SEMA5A: variants seen among roughly 807,000 people sequenced by gnomAD.
The protein encoded by SEMA5A is semaphorin-5A.
SEMA5A carries 55 observed loss-of-function variants against 135.5 expected under a neutral mutation model. That is an observed-to-expected ratio of 0.41 (90% CI 0.33 to 0.51). The LOEUF is 0.51. Ranked by LOEUF, SEMA5A falls within the 20% of genes least tolerant of loss-of-function variation. The pLI is 0.37. For missense variants in SEMA5A, 1,290 were observed against 1,419.9 expected, an observed-to-expected ratio of 0.91 and a Z score of 1.47; for synonymous variants, 580 against 546.5, an observed-to-expected ratio of 1.06 and a Z score of -0.85.
chr5:9,483,316 A>C (rs1283313561), intron 1 of SEMA5A, among the ~76,000 whole-genome samples: 1 of 151,806 alleles, frequency 6.6e-6, no homozygotes, highest in Non-Finnish European at 1.5e-5. Flanking sequence ...TCTTCTCTCA[A>C]CTTCTCAGTA....
intron 16 of SEMA5A, among the ~76,000 whole-genome samples, chr5:9,072,966 C>T (rs1481303114): frequency 2.0e-5 from 3 of 152,144 alleles, no homozygotes; most frequent in Non-Finnish European, 4.4e-5. Flanking sequence ...GTAATTATAA[C>T]TGCATCCCAT....
At chr5:9,087,033 T>C (rs1738735610) in intron 16 of SEMA5A, among the ~76,000 whole-genome samples, 1 of 152,160 alleles carries the variant, frequency 6.6e-6, no homozygotes, top group South Asian at 2.1e-4. Context: ...TCTACTTCCA[T>C]CTGTGTGACA....
At chr5:9,130,948 C>G (rs534513498) in intron 13 of SEMA5A, among the ~76,000 whole-genome samples, 1 of 152,172 alleles carries the variant, frequency 6.6e-6, no homozygotes, top group Non-Finnish European at 1.5e-5. Context: ...GTACTGCCAT[C>G]TAAAAGAGGG....
chr5:9,536,063 G>A (rs1737747832), intron 1 of SEMA5A, among the ~76,000 whole-genome samples: 1 of 152,192 alleles, frequency 6.6e-6, no homozygotes, highest in Admixed American at 6.5e-5. Context: ...CCACAGCAAA[G>A]TGGCCAGATG....
At chr5:9,349,340 T>C (rs1754011620) in intron 3 of SEMA5A, among the ~76,000 whole-genome samples, 2 of 152,214 alleles carry the variant, frequency 1.3e-5, no homozygotes, top group African/African-American at 4.8e-5. Flanking sequence ...TATTTATTTA[T>C]TGAGTACCTG....
At chr5:9,271,496 T>C (rs915654644) in intron 5 of SEMA5A, among the ~76,000 whole-genome samples, 6 of 152,010 alleles carry the variant, frequency 3.9e-5, no homozygotes, top group Admixed American at 1.3e-4. Flanking sequence ...CAGAAGAAGA[T>C]AGGAAAATGT....
intron 3 of SEMA5A, among the ~76,000 whole-genome samples, chr5:9,343,427 A>T (rs904102065): frequency 6.6e-6 from 1 of 151,832 alleles, no homozygotes; most frequent in Non-Finnish European, 1.5e-5. Context: ...CTGTGTCTTC[A>T]CCTCCTCAAG....
intron 21 of SEMA5A, chr5:9,046,027 T>A (rs1438077936): frequency 6.6e-6 from 1 of 152,268 alleles, no homozygotes; most frequent in African/African-American, 2.4e-5. Flanking sequence ...TCACTGGGCT[T>A]CAGGAGAATT....
At chr5:9,462,456 A>G (rs1258896896) in intron 1 of SEMA5A, among the ~76,000 whole-genome samples, 1 of 152,204 alleles carries the variant, frequency 6.6e-6, no homozygotes. Flanking sequence ...CATTCAACTC[A>G]GCAATCCCAT....
intron 1 of SEMA5A, among the ~76,000 whole-genome samples, chr5:9,454,824 AGG>A (rs1410291917): frequency 3.3e-5 from 5 of 152,238 alleles, no homozygotes; most frequent in African/African-American, 1.2e-4. Context: ...TATGACGAAA[AGG>A]AAATTTGAGT....
At chr5:9,501,627 C>T (rs1332356559) in intron 1 of SEMA5A, among the ~76,000 whole-genome samples, 1 of 152,192 alleles carries the variant, frequency 6.6e-6, no homozygotes, top group African/African-American at 2.4e-5. Flanking sequence ...CTTCCCTCCT[C>T]CTGCTGGAAT....
chr5:9,402,673 T>TG lies in SEMA5A; in HGVS notation c.-77-22651dup, dbSNP rs767211928. ...ATGTTAGTGAGGTGAAATAATCTACTGGTACCGTCTACTTGTCAAGGGTTT... is the reference window on the plus strand; with the variant it reads ...ATGTTAGTGAGGTGAAATAATCTACTGGGTACCGTCTACTTGTCAAGGGTTT... On this transcript the variant is annotated intron_variant, in intron 2 of 22. Coordinates refer to ENST00000382496, the MANE Select transcript of SEMA5A (RefSeq NM_003966.3). 1.4e-4 allele frequency among the ~76,000 whole-genome samples: 22 copies of TG among 152,334 alleles called. No individual in the cohort carries two copies. In the East Asian group the frequency reaches 1.7e-3, roughly 12 times the overall value.
At chr5:9,088,237 G>C (rs566557224) in intron 16 of SEMA5A, among the ~76,000 whole-genome samples, 1 of 149,890 alleles carries the variant, frequency 6.7e-6, no homozygotes, top group Admixed American at 6.7e-5. Flanking sequence ...CCAGGAGGCA[G>C]AGGTTGCAGT....
At chr5:9,544,590 G>T (rs1342838147) in intron 1 of SEMA5A, among the ~76,000 whole-genome samples, 1 of 151,152 alleles carries the variant, frequency 6.6e-6, no homozygotes. Context: ...CCGCCCACTC[G>T]CCCAGGACCC....
intron 2 of SEMA5A, among the ~76,000 whole-genome samples, chr5:9,423,109 G>A (rs909502832): frequency 1.6e-4 from 25 of 152,126 alleles, no homozygotes; most frequent in Non-Finnish European, 3.4e-4. Flanking sequence ...CCATGCAGCA[G>A]AGAAGGAGAA....
At chr5:9,460,915 A>G (rs185291602) in intron 1 of SEMA5A, among the ~76,000 whole-genome samples, 1 of 152,256 alleles carries the variant, frequency 6.6e-6, no homozygotes, top group East Asian at 1.9e-4. Context: ...GCAAGTATCT[A>G]TTTTGTTATT....
intron 3 of SEMA5A, among the ~76,000 whole-genome samples, chr5:9,338,308 C>A (rs2150721064): frequency 6.6e-6 from 1 of 152,252 alleles, no homozygotes; most frequent in African/African-American, 2.4e-5. Flanking sequence ...TCTATTTTGG[C>A]CCCATGATTA....
At chr5:9,097,023 A>G (rs565682461) in intron 16 of SEMA5A, among the ~76,000 whole-genome samples, 2 of 152,312 alleles carry the variant, frequency 1.3e-5, no homozygotes, top group Non-Finnish European at 2.9e-5. Flanking sequence ...TAGTAATCAT[A>G]TGACTATATG....
chr5:9,064,565 G>A (rs776974496), intron 17 of SEMA5A, among the ~76,000 whole-genome samples: 1 of 151,976 alleles, frequency 6.6e-6, no homozygotes, highest in Non-Finnish European at 1.5e-5. Context: ...AACACTGCAT[G>A]TTCTCACTCA....
Sources: allele counts gnomAD v4.1 joint callset (sites outside exome capture counted in the v4.1 genomes callset), GRCh38; gene constraint gnomAD v4.1.1; transcripts MANE v1.5; gene names NCBI Gene and HGNC (gene_info 2026-07-23, HGNC 2026-07-21).